NCR1: variants seen among roughly 807,000 people sequenced by gnomAD.
NCR1 encodes natural cytotoxicity triggering receptor 1.
A neutral mutation model predicts 32.5 loss-of-function variants in NCR1; 30 were observed. That is an observed-to-expected ratio of 0.92 (90% CI 0.69 to 1.25). The LOEUF is 1.25. Among genes scored for constraint, NCR1 ranks in the 50% most tolerant of loss-of-function variants. The pLI is 0.00. For missense variants in NCR1, 369 were observed against 380.7 expected (o/e 0.97, Z 0.26); for synonymous variants, 169 against 143.4 (o/e 1.18, Z -1.28).
downstream of NCR1, among the ~76,000 whole-genome samples, chr19:54,914,265 G>T (rs560888961): frequency 2.7e-5 from 4 of 147,916 alleles, no homozygotes; most frequent in East Asian, 8.0e-4. Flanking sequence ...CAACGTGCAG[G>T]TTAGTTACAT....
At chr19:54,898,321 G>C in the NCR1 span, among the ~76,000 whole-genome samples, 9 of 152,328 alleles carry the variant, frequency 5.9e-5, no homozygotes, top group East Asian at 7.7e-4. Flanking sequence ...CCTTGGCCCA[G>C]TGGCCAGATT....
At chr19:54,929,288 C>G in the NCR1 span, among the ~76,000 whole-genome samples, 1 of 152,002 alleles carries the variant, frequency 6.6e-6, no homozygotes, top group Admixed American at 6.6e-5. Context: ...TCGCTTGAAC[C>G]TTGGAGGCTG....
chr19:54,907,149 G>T (rs1399935603), intron 3 of NCR1, among the ~76,000 whole-genome samples: 99 of 141,164 alleles, frequency 7.0e-4, no homozygotes, highest in African/African-American at 2.1e-3. Flanking sequence ...CAGGTGGTGG[G>T]TTTTTTTTTT....
chr19:54,903,224 C>T (rs895368102), upstream of NCR1, among the ~76,000 whole-genome samples: 2 of 151,342 alleles, frequency 1.3e-5, no homozygotes, highest in African/African-American at 4.9e-5. Flanking sequence ...GGATATATTC[C>T]AAGGCCCCAG....
At position 54,909,914 on chromosome 19, in the gene NCR1, G is replaced by A. The variant is rs587619293; in HGVS notation, c.635-104G>A. 437 of 945,638 alleles carry A rather than the reference G, an allele frequency of 4.6e-4. 2 individuals are homozygous for A. The African/African-American group carries it at 7.2e-3, about 16-fold the overall frequency. 58.6% of individuals were successfully genotyped at this position (945,638 alleles called of 1,614,324 possible). On this transcript the variant is annotated intron_variant, in intron 4 of 6. Transcript: ENST00000291890. ...CATACCACCGCACTGCAACCTGGGCGACAGAGCAAGACTCCATCTCAAAAA... is the reference window on the plus strand; with the variant it reads ...CATACCACCGCACTGCAACCTGGGCAACAGAGCAAGACTCCATCTCAAAAA...
At chr19:54,935,813 G>A in the NCR1 span, among the ~76,000 whole-genome samples, 121 of 152,128 alleles carry the variant, frequency 8.0e-4, no homozygotes, top group Middle Eastern at 3.4e-3. Context: ...CCCAAAGTGC[G>A]AGGATCATGC....
At chr19:54,928,628 T>C in the NCR1 span, among the ~76,000 whole-genome samples, 1 of 152,016 alleles carries the variant, frequency 6.6e-6, no homozygotes, top group African/African-American at 2.4e-5. Flanking sequence ...AAGTCCTCTT[T>C]TGGAAAGTGA....
chr19:54,937,458 G>A, the NCR1 span, among the ~76,000 whole-genome samples: 538 of 152,044 alleles, frequency 3.5e-3, 1 homozygote, highest in African/African-American at 0.013. Flanking sequence ...TTCGAAGACC[G>A]AGGCAGGCGC....
downstream of NCR1, among the ~76,000 whole-genome samples, chr19:54,914,287 T>C (rs1310925340): frequency 1.3e-5 from 2 of 151,492 alleles, no homozygotes; most frequent in African/African-American, 2.4e-5. Context: ...TGTATACATG[T>C]GCCATGTTGG....
At chr19:54,935,736 G>T in the NCR1 span, among the ~76,000 whole-genome samples, 2 of 151,612 alleles carry the variant, frequency 1.3e-5, no homozygotes, top group Non-Finnish European at 2.9e-5. Flanking sequence ...TGCAGAGAAG[G>T]TTGCATGCTC....
chr19:54,908,453 C>T (rs1437714111), intron 3 of NCR1, among the ~76,000 whole-genome samples: 1 of 152,090 alleles, frequency 6.6e-6, no homozygotes, highest in Non-Finnish European at 1.5e-5. Context: ...TTTTTCTATT[C>T]GACAAAACCG....
chr19:54,920,823 T>G (rs1602087408), downstream of NCR1, among the ~76,000 whole-genome samples: 4 of 152,154 alleles, frequency 2.6e-5, no homozygotes, highest in South Asian at 8.3e-4. Context: ...ACCACCATCT[T>G]GGCTGGGCAC....
At chr19:54,902,389 T>A (rs2067315555), upstream of NCR1, among the ~76,000 whole-genome samples, 1 of 151,556 alleles carries the variant, frequency 6.6e-6, no homozygotes, top group Non-Finnish European at 1.5e-5. Context: ...AGCTTCTACC[T>A]CCCTGGGCTC....
the NCR1 span, among the ~76,000 whole-genome samples, chr19:54,936,851 G>T: frequency 6.6e-6 from 1 of 151,708 alleles, no homozygotes; most frequent in Admixed American, 6.6e-5. Context: ...GGAGGCAGAG[G>T]TTGCAGTGAG....
intron 3 of NCR1, among the ~76,000 whole-genome samples, chr19:54,907,387 A>G (rs1438726985): frequency 1.3e-5 from 2 of 149,158 alleles, no homozygotes; most frequent in African/African-American, 4.9e-5. Context: ...CTGACCTCAG[A>G]TGATCCGCCC....
upstream of NCR1, among the ~76,000 whole-genome samples, chr19:54,903,266 G>GTA (rs144894651): frequency 3.7e-3 from 491 of 133,290 alleles, 17 homozygotes; most frequent in Middle Eastern, 0.013. Flanking sequence ...TACCTTACAT[G>GTA]TATATATATA....
At chr19:54,903,373 TAC>T (rs587746031), upstream of NCR1, among the ~76,000 whole-genome samples, 97 of 128,606 alleles carry the variant, frequency 7.5e-4, 6 homozygotes, top group Middle Eastern at 4.1e-3. Flanking sequence ...CATGTATATA[TAC>T]ATGTATGTAT....
intron 3 of NCR1, among the ~76,000 whole-genome samples, chr19:54,907,499 T>A (rs1337892903): frequency 3.2e-5 from 4 of 126,144 alleles, no homozygotes; most frequent in Admixed American, 7.9e-5. Context: ...TTTTTTTTTT[T>A]AACAATATGG....
the NCR1 span, chr19:54,923,621 A>C: frequency 8.4e-7 from 1 of 1,191,932 alleles, no homozygotes; most frequent in Non-Finnish European, 1.2e-6. Flanking sequence ...AACCAGTGTC[A>C]AATCCTACCT....
Sources: gnomAD v4.1 joint callset for allele counts (sites outside exome capture counted in the v4.1 genomes callset) on GRCh38, gnomAD v4.1.1 for gene constraint, MANE v1.5 for transcripts, NCBI Gene and HGNC (gene_info 2026-07-23, HGNC 2026-07-21) for gene names.